KALRN: variants seen among roughly 807,000 people sequenced by gnomAD.
KALRN encodes the protein kalirin.
In KALRN, 70 loss-of-function variants were observed where a neutral mutation model predicts 353.7. The observed-to-expected ratio is 0.20, with a 90% CI of 0.16 to 0.24. KALRN has a LOEUF of 0.24. Among genes scored for constraint, KALRN ranks in the 10% least tolerant of loss-of-function variants. The probability of loss-of-function intolerance (pLI) is 1.00; values close to 1 mark genes in which losing one functional copy is unlikely to be tolerated. For synonymous variants in KALRN, 1,391 were observed against 1,434.8 expected (o/e 0.97, Z 0.69); for missense variants, 2,791 against 3,756.7 (o/e 0.74, Z 6.72).
At chr3:124,186,184 C>T (rs1052704473) in intron 1 of KALRN, among the ~76,000 whole-genome samples, 1 of 152,208 alleles carries the variant, frequency 6.6e-6, no homozygotes, top group Non-Finnish European at 1.5e-5. Flanking sequence ...CTCTGAGGAA[C>T]AGCAATGCCC....
chr3:124,410,229 C>CTA (rs755189169), intron 13 of KALRN: 1 of 533,288 alleles, frequency 1.9e-6, no homozygotes, highest in South Asian at 1.4e-5. Flanking sequence ...ACCTTCCACT[C>CTA]CATAGATTCC....
intron 21 of KALRN, among the ~76,000 whole-genome samples, chr3:124,451,385 G>C (rs530031): frequency 6.6e-6 from 1 of 152,166 alleles, no homozygotes; most frequent in Admixed American, 6.5e-5. Flanking sequence ...GGAGAGGCAA[G>C]ACATAAATTA....
chr3:124,215,411 T>G (rs1054055393), intron 1 of KALRN, among the ~76,000 whole-genome samples: 7 of 152,312 alleles, frequency 4.6e-5, no homozygotes, highest in Admixed American at 4.6e-4. Flanking sequence ...CTGAGTTTAC[T>G]CCGTTCACTT....
chr3:124,577,822 T>G (rs928666102), intron 34 of KALRN, among the ~76,000 whole-genome samples: 1 of 152,052 alleles, frequency 6.6e-6, no homozygotes, highest in African/African-American at 2.4e-5. Context: ...ATTATGCCAC[T>G]GCACTTCAGC....
chr3:124,212,832 T>C (rs888169943), intron 1 of KALRN, among the ~76,000 whole-genome samples: 6 of 152,280 alleles, frequency 3.9e-5, no homozygotes, highest in Admixed American at 2.0e-4. Context: ...AAACATCTCA[T>C]TGTTTAGTTT....
At chr3:124,096,102 C>G (rs1339986217) in intron 1 of KALRN, 1 of 151,850 alleles carries the variant, frequency 6.6e-6, no homozygotes, top group Non-Finnish European at 1.5e-5. Flanking sequence ...GGCATCAGAA[C>G]TTCACACTGA....
chr3:124,691,319 T>G (rs1578975224), intron 51 of KALRN, among the ~76,000 whole-genome samples: 1 of 152,216 alleles, frequency 6.6e-6, no homozygotes, highest in East Asian at 1.9e-4. Context: ...TCCCAGCTAC[T>G]CGGGAGGCTG....
Position 124,334,330 on chromosome 3 carries a change from A to C in KALRN, c.1482A>C (p.Glu494Asp), listed in dbSNP as rs912846821. Reference protein sequence around the residue: ...LQRPLSPGNSESLTATANYSK... With the variant: ...LQRPLSPGNSDSLTATANYSK... ...GGCCCCTGAGCCCTGGGAACTCCGA[A>C]TCCCTCACGGCCACAGCCAACTACT... Residue 494 changes from glutamate (E) to aspartate (D), a missense_variant, in exon 9 of 60, where the codon GAA becomes GAC. By Grantham distance (45) the Glu-to-Asp change is conservative (BLOSUM62 2). Transcript: ENST00000682506. This position sits in a 1 kb window ranked among gnomAD's most constrained non-coding sequence, Gnocchi z 4.2. The C allele has an allele frequency of 6.2e-7, 1 of 1,614,028 alleles. No homozygotes were observed. The highest frequency in any genetic ancestry group is 1.3e-5 in the African/African-American group (1 of 74,896).
chr3:124,308,397 C>T (rs1418652106), intron 6 of KALRN, among the ~76,000 whole-genome samples: 1 of 151,786 alleles, frequency 6.6e-6, no homozygotes, highest in Non-Finnish European at 1.5e-5. Context: ...GAAACATTGT[C>T]CATAATAGAC....
intron 23 of KALRN, 53 bp from the exon 24 acceptor site, chr3:124,461,834 AAGG>A (rs1431509080): frequency 6.9e-6 from 9 of 1,305,274 alleles, no homozygotes; most frequent in Non-Finnish European, 1.0e-5. Context: ...GTGAAGTTTG[AAGG>A]AGGAGAGACA....
At chr3:124,455,433 G>T in intron 22 of KALRN, 74 bp downstream of exon 22, 1 of 1,419,590 alleles carries the variant, frequency 7.0e-7, no homozygotes, top group Admixed American at 2.0e-5. Context: ...CATCGCCATG[G>T]AAGAAAAGCA....
In KALRN at chr3:124,052,968, GGA is replaced by G. The variant is rs960461684; in HGVS notation, c.73+19161_73+19162del. On this transcript the variant is annotated intron_variant, in intron 1 of 59. Coordinates refer to ENST00000682506, the MANE Select transcript of KALRN (RefSeq NM_001388419.1). ...ATCATGGAGAATTAGAGGATTGTAG[GGA>G]GAGAGGGACTGGAGAGACATGTGAG... is the stretch of plus-strand genomic sequence containing the variant. 3.3e-4 allele frequency among the ~76,000 whole-genome samples: 51 copies of G among 152,286 alleles called. No individual in the cohort carries two copies. The Middle Eastern group carries it at 0.014, about 41-fold the overall frequency.
rs11306987 is a variant in KALRN, at chr3:124,608,010, A to AT, written c.5183-24394dup. Among the ~76,000 whole-genome samples the AT allele has an allele frequency of 3.4e-3, 479 of 138,972 alleles. 2 individuals are homozygous for AT. The highest frequency in any genetic ancestry group is 4.9e-3 in the African/African-American group (185 of 37,440). The allele number at this position is 138,972 out of a possible 152,430, so 91.2% of individuals were successfully genotyped here. ...ACAAATTTATAATCTCTCTTTTTTA[A>AT]TTTTTTTTTTTTTTTTAGGACAGGG... On this transcript the variant is annotated intron_variant, in intron 34 of 59. Transcript: ENST00000682506.
intron 1 of KALRN, chr3:124,163,906 C>T (rs1200137074): frequency 1.0e-6 from 1 of 985,338 alleles, no homozygotes; most frequent in Non-Finnish European, 1.2e-6. Flanking sequence ...GTTGCAACAT[C>T]TGTCCCCTGC....
chr3:124,204,606 A>G (rs75868877), intron 1 of KALRN, among the ~76,000 whole-genome samples: 1 of 103,926 alleles, frequency 9.6e-6, no homozygotes. Context: ...AAAGAAAAAA[A>G]TTCCAGTCAT....
chr3:124,136,774 T>C (rs1415134369), intron 1 of KALRN, among the ~76,000 whole-genome samples: 1 of 152,218 alleles, frequency 6.6e-6, no homozygotes, highest in East Asian at 1.9e-4. Context: ...AGATTCCTAG[T>C]GCAGAGTGTG....
intron 1 of KALRN, among the ~76,000 whole-genome samples, chr3:124,165,516 C>T (rs1170481020): frequency 1.3e-5 from 2 of 152,218 alleles, no homozygotes; most frequent in Admixed American, 1.3e-4. Context: ...CCATAGCAAC[C>T]ACATGTGGTC....
intron 5 of KALRN, among the ~76,000 whole-genome samples, chr3:124,282,942 G>A (rs1241518080): frequency 6.6e-6 from 1 of 152,168 alleles, no homozygotes; most frequent in East Asian, 1.9e-4. Context: ...GGCAAAATGG[G>A]GTGCCTAGTC....
chr3:124,292,096 G>A (rs1235143533), intron 5 of KALRN, among the ~76,000 whole-genome samples: 2 of 152,142 alleles, frequency 1.3e-5, no homozygotes, highest in Non-Finnish European at 2.9e-5. Context: ...TCCTTTATGA[G>A]GTCTGTGTGT....
Sources: allele counts gnomAD v4.1 joint callset (sites outside exome capture counted in the v4.1 genomes callset), GRCh38; gene constraint gnomAD v4.1.1; non-coding constraint Gnocchi (gnomAD v3.1); transcripts MANE v1.5; gene names NCBI Gene and HGNC (gene_info 2026-07-23, HGNC 2026-07-21).